The following OSBPL5 variants were observed in gnomAD, a reference collection of about 807,000 sequenced individuals.
OSBPL5 encodes the protein oxysterol-binding protein-related protein 5.
In OSBPL5, 71 loss-of-function variants were observed where a neutral mutation model predicts 111.2. The ratio of observed to expected loss-of-function variants is 0.64; its 90% CI spans 0.53 to 0.78. OSBPL5 has a LOEUF of 0.78. Among genes scored for constraint, OSBPL5 ranks in the 30% least tolerant of loss-of-function variants. OSBPL5 has a pLI of 0.00. For synonymous variants in OSBPL5, 549 were observed against 513.9 expected (o/e 1.07, Z -0.93); for missense variants, 1,210 against 1,189.3 (o/e 1.02, Z -0.26).
At position 3,101,596 on chromosome 11, in the gene OSBPL5, C is replaced by T. The variant is rs756406146; in HGVS notation, c.1522+7G>A. On this transcript the variant is annotated splice_region_variant and intron_variant, in intron 13 of 21. Transcript: ENST00000263650. ...GCCCCAGGGAGCGCCCAGGGTGACC[C>T]CCTCACCATAAAACCTGGACTTGGC... 1.2e-6 allele frequency: 2 copies of T among 1,611,684 alleles called. No homozygotes were observed. The highest frequency in any genetic ancestry group is 1.7e-6 in the Non-Finnish European group (2 of 1,178,198).
In OSBPL5 at chr11:3,089,911, C is replaced by G; in HGVS notation, c.2436G>C (p.Ala812=). Residue 812 remains alanine (A), a synonymous_variant, in exon 21 of 22, where the codon GCG becomes GCC. Transcript: ENST00000263650. ...CCTCGTGCAGGGCCTGCAGCCGCCG[C>G]GCCTCCTTCCTGCACCGAGGGCATG... ...ESPCPRCRKE[A]RRLQALHEAI... The G allele has an allele frequency of 1.5e-5, 24 of 1,566,062 alleles. No individual in the cohort carries two copies. Among genetic ancestry groups the G allele is most frequent in the Non-Finnish European group, 2.1e-5 (24 of 1,156,172 alleles).
At chr11:3,090,154 C>G (rs1042424928) in intron 20 of OSBPL5, among the ~76,000 whole-genome samples, 3 of 152,168 alleles carry the variant, frequency 2.0e-5, no homozygotes, top group Non-Finnish European at 4.4e-5. Flanking sequence ...CCAGGCTGGA[C>G]CAGCCACTAA....
intron 1 of OSBPL5, among the ~76,000 whole-genome samples, chr11:3,159,494 T>C (rs1846889137): frequency 6.6e-6 from 1 of 152,212 alleles, no homozygotes; most frequent in Non-Finnish European, 1.5e-5. Flanking sequence ...CTATGGTCCC[T>C]GCTCTACAGG....
intron 1 of OSBPL5, among the ~76,000 whole-genome samples, chr11:3,135,419 G>T (rs143678904): frequency 0.013 from 1,955 of 152,328 alleles, 21 homozygotes; most frequent in Middle Eastern, 0.041. Context: ...GAGAGTAAGG[G>T]GGACAGAGAG....
rs566705914 is a variant in OSBPL5, at chr11:3,129,130, G to C, written c.19C>G (p.Leu7Val). The C allele has an allele frequency of 2.7e-6, 4 of 1,485,108 alleles. No individual in the cohort carries two copies. The African/African-American group carries it at 4.3e-5, about 16-fold the overall frequency. The allele number at this position is 1,485,108 out of a possible 1,614,324, so 92.0% of individuals were successfully genotyped here. MKEEAFLRRRFSLCPPS... is the reference protein window; with the variant it reads MKEEAFVRRRFSLCPPS... ...GGACACAGGGAGAAGCGGCGCCGGAGGAAGGCCTCCTCCTTCATGCTGTGG... is the reference window on the plus strand; with the variant it reads ...GGACACAGGGAGAAGCGGCGCCGGACGAAGGCCTCCTCCTTCATGCTGTGG... Residue 7 changes from leucine (L) to valine (V), a missense_variant, in exon 2 of 22, where the codon CTC becomes GTC. By Grantham distance (32) the Leu-to-Val change is conservative. Transcript: ENST00000263650.
rs986884178 is a variant in OSBPL5, at chr11:3,146,664, G to C, written c.-21-17495C>G. The C allele has an allele frequency of 1.3e-5, 2 of 152,206 alleles. No individual in the cohort carries two copies. The highest frequency in any genetic ancestry group is 6.5e-5 in the Admixed American group (1 of 15,274). The allele number at this position is 152,206 out of a possible 1,614,324, so 9.4% of individuals were successfully genotyped here. ...AGCCGCTGGGCACACAGCTGTGCCTGAGTGCAGGGGGAGAGGCCAGCTCCA... is the reference window on the plus strand; with the variant it reads ...AGCCGCTGGGCACACAGCTGTGCCTCAGTGCAGGGGGAGAGGCCAGCTCCA... On this transcript the variant is annotated intron_variant, in intron 1 of 21. Transcript: ENST00000263650. The surrounding 1 kb of genome is among the most constrained non-coding windows in gnomAD (Gnocchi z 7.8).
chr11:3,112,482 T>TTTTTTTTTTTTTTTTTTTTTTTTTTTTTC (rs1564838299), intron 7 of OSBPL5, among the ~76,000 whole-genome samples: 1 of 146,034 alleles, frequency 6.8e-6, no homozygotes, highest in Non-Finnish European at 1.5e-5. Context: ...TCTTTTCTTT[T>TTTTTTTTTTTTTTTTTTTTTTTTTTTTTC]TTTTTTTTTT....
At chr11:3,160,395 TGCTTCCAGAGTCCCG>T (rs1351176744) in intron 1 of OSBPL5, among the ~76,000 whole-genome samples, 3 of 152,260 alleles carry the variant, frequency 2.0e-5, no homozygotes, top group African/African-American at 7.2e-5. Context: ...CGGGACGCAC[TGCTTCCAGAGTCCCG>T]GCCCTTTAAG....
Position 3,126,642 on chromosome 11 carries a change from C to A in OSBPL5, c.137-87G>T. The A allele has an allele frequency of 2.5e-6, 3 of 1,207,192 alleles. No homozygotes were observed. In the South Asian group the frequency reaches 4.4e-5, roughly 18 times the overall value. The allele number at this position is 1,207,192 out of a possible 1,614,324, so 74.8% of individuals were successfully genotyped here. A position where few individuals can be genotyped will look rare whatever the true frequency, so the allele number is the denominator to read the frequency against. On this transcript the variant is annotated intron_variant, in intron 2 of 21. Coordinates refer to ENST00000263650, the MANE Select transcript of OSBPL5 (RefSeq NM_020896.4). This position sits in a 1 kb window ranked among gnomAD's most constrained non-coding sequence, Gnocchi z 6.5. Reference sequence around the variant, plus strand: ...GCTGCCTGGTGTGAGGCAGGCGAAGCGTGGGTGCGGATGACCTGGGAGGGG... The same window carrying A: ...GCTGCCTGGTGTGAGGCAGGCGAAGAGTGGGTGCGGATGACCTGGGAGGGG...
intron 21 of OSBPL5, among the ~76,000 whole-genome samples, chr11:3,089,137 G>A (rs1409604140): frequency 6.6e-6 from 1 of 152,194 alleles, no homozygotes; most frequent in Non-Finnish European, 1.5e-5. Flanking sequence ...AGCACCTTCT[G>A]GAAATGCTTA....
chr11:3,117,602 T>C (rs920979782), intron 7 of OSBPL5, among the ~76,000 whole-genome samples: 1 of 152,250 alleles, frequency 6.6e-6, no homozygotes, highest in African/African-American at 2.4e-5. Context: ...GAAAAAATTA[T>C]GTTTCAAAAA....
At chr11:3,120,313 CCCCAAGGGGG>C (rs1424494531) in intron 6 of OSBPL5, 98 bp downstream of exon 6, 2 of 1,385,414 alleles carry the variant, frequency 1.4e-6, no homozygotes, top group African/African-American at 2.9e-5. Flanking sequence ...CTGCTCAAGG[CCCCAAGGGGG>C]CCATTCAGCT....
intron 7 of OSBPL5, among the ~76,000 whole-genome samples, chr11:3,117,897 GATGT>G (rs777972143): frequency 2.0e-5 from 3 of 152,214 alleles, no homozygotes; most frequent in Admixed American, 6.5e-5. Context: ...CCTGCCTACT[GATGT>G]ATGGACTTCA....
In OSBPL5 at chr11:3,110,496, G is replaced by A. The variant is rs1429329671; in HGVS notation, c.692-2551C>T. ...ACTTTCTTGCTGGCAGTTTGCCTGT[G>A]CCTCAGTTTCCTGACCTGTCTAATG... On this transcript the variant is annotated intron_variant, in intron 7 of 21. Transcript: ENST00000263650. The surrounding 1 kb of genome is among the most constrained non-coding windows in gnomAD (Gnocchi z 5.3). 6.6e-6 allele frequency among the ~76,000 whole-genome samples: 1 copy of A among 152,198 alleles called. No homozygotes were observed. The highest frequency in any genetic ancestry group is 1.5e-5 in the Non-Finnish European group (1 of 68,042).
intron 1 of OSBPL5, among the ~76,000 whole-genome samples, chr11:3,153,508 C>T (rs1425956166): frequency 6.6e-6 from 1 of 152,156 alleles, no homozygotes. Context: ...GTCACAAATT[C>T]CTGGGGCTAT....
At chr11:3,158,857 G>A (rs796272737) in intron 1 of OSBPL5, among the ~76,000 whole-genome samples, 14 of 152,348 alleles carry the variant, frequency 9.2e-5, no homozygotes, top group African/African-American at 3.4e-4. Flanking sequence ...GGCCTCGGGA[G>A]TGAAGAGGGA....
Position 3,121,895 on chromosome 11 carries a change from A to G in OSBPL5, c.402+102T>C, listed in dbSNP as rs1210220909. 9.0e-6 allele frequency: 9 copies of G among 998,148 alleles called. No homozygotes were observed. Among genetic ancestry groups the G allele is most frequent in the East Asian group, 2.6e-5 (1 of 37,986 alleles). 61.8% of individuals were successfully genotyped at this position (998,148 alleles called of 1,614,324 possible). On this transcript the variant is annotated intron_variant, in intron 5 of 21. Coordinates refer to ENST00000263650, the MANE Select transcript of OSBPL5 (RefSeq NM_020896.4). The surrounding 1 kb of genome is among the most constrained non-coding windows in gnomAD (Gnocchi z 4.3). ...CAGTGATAACGGCTAGATGCAGGGA[A>G]GTGAATTTCCATCGTTTCAGGCCAC...
rs117034654 is a variant in OSBPL5, at chr11:3,154,395, C to T, written c.-22+10821G>A. Among the ~76,000 whole-genome samples, 187 of 152,354 alleles carry T rather than the reference C, an allele frequency of 1.2e-3. 2 individuals carry two copies. The East Asian group carries it at 0.033, about 27-fold the overall frequency. On this transcript the variant is annotated intron_variant, in intron 1 of 21. Coordinates refer to ENST00000263650, the MANE Select transcript of OSBPL5 (RefSeq NM_020896.4). The surrounding 1 kb of genome is among the most constrained non-coding windows in gnomAD (Gnocchi z 4.9). ...AGTGGCTGACGGCGTGTGGCACAGG[C>T]GGGGTGAGCCCGGAAGGGTGAGCAT...
chr11:3,102,118 G>C, intron 12 of OSBPL5, 65 bp downstream of exon 12: 1,347 of 1,155,668 alleles, frequency 1.2e-3, no homozygotes, highest in Non-Finnish European at 1.5e-3. Context: ...CCAGGGCCCC[G>C]CCCCCACAGA....
Sources: allele counts gnomAD v4.1 joint callset (sites outside exome capture counted in the v4.1 genomes callset), GRCh38; gene constraint gnomAD v4.1.1; non-coding constraint Gnocchi (gnomAD v3.1); transcripts MANE v1.5; gene names NCBI Gene and HGNC (gene_info 2026-07-23, HGNC 2026-07-21).